Variants in RMDN3 observed in about 807,000 individuals in gnomAD.
RMDN3 encodes the protein regulator of microtubule dynamics 3.
Under a neutral mutation model 61.8 loss-of-function variants are expected in RMDN3, and 41 were observed. The ratio of observed to expected loss-of-function variants is 0.66; its 90% confidence interval spans 0.52 to 0.86. The LOEUF is 0.86. Among genes scored for constraint, RMDN3 ranks in the 40% least tolerant of loss-of-function variants. The pLI, the probability that RMDN3 is intolerant of heterozygous loss-of-function variation, is 0.00. For synonymous variants in RMDN3, 247 were observed against 232.0 expected, an observed-to-expected ratio of 1.06 and a Z score of -0.59; for missense variants, 557 against 585.3, an observed-to-expected ratio of 0.95 and a Z score of 0.50.
chr15:40,736,495 C>T lies in RMDN3; in HGVS notation c.*46G>A, dbSNP rs368450150. ...TAAGGAAAAAAGCCTCCCCGCCCCC[C>T]CACCTTAAATAGTGGCATCAAGTCA... On this transcript the variant is annotated 3_prime_UTR_variant, in exon 13 of 13. Coordinates refer to ENST00000338376, the MANE Select transcript of RMDN3 (RefSeq NM_018145.3). 1 of 1,583,798 alleles carries T rather than the reference C, an allele frequency of 6.3e-7. No homozygotes were observed. Among genetic ancestry groups the T allele is most frequent in the East Asian group, 2.2e-5 (1 of 44,720 alleles).
At chr15:40,746,287 G>A (rs554681940) in intron 4 of RMDN3, among the ~76,000 whole-genome samples, 132 of 152,206 alleles carry the variant, frequency 8.7e-4, no homozygotes, top group African/African-American at 2.4e-3. Context: ...AGGCCGAGGC[G>A]GGCGGATCAG....
intron 4 of RMDN3, among the ~76,000 whole-genome samples, chr15:40,751,178 C>T (rs1050088309): frequency 1.4e-4 from 21 of 152,176 alleles, no homozygotes; most frequent in African/African-American, 4.8e-4. Flanking sequence ...GAAAAATGCC[C>T]AAATAATATA....
At chr15:40,737,809 G>T (rs1251580086) in intron 9 of RMDN3, 83 bp from the exon 10 acceptor site, 2 of 1,493,418 alleles carry the variant, frequency 1.3e-6, no homozygotes, top group African/African-American at 2.8e-5. Context: ...TTGAAAATAG[G>T]GTCAAACGGG....
intron 4 of RMDN3, among the ~76,000 whole-genome samples, chr15:40,749,350 C>T (rs1428907984): frequency 6.6e-6 from 1 of 151,840 alleles, no homozygotes; most frequent in Non-Finnish European, 1.5e-5. Flanking sequence ...CCCATCTGTA[C>T]AAAAAAAATA....
intron 4 of RMDN3, among the ~76,000 whole-genome samples, chr15:40,746,783 TCTA>T (rs746194930): frequency 4.7e-4 from 72 of 152,198 alleles, no homozygotes; most frequent in Non-Finnish European, 9.0e-4. Flanking sequence ...CCCAGACACA[TCTA>T]CTACAAGAAC....
At position 40,744,068 on chromosome 15, in the gene RMDN3, T is replaced by C; in HGVS notation, c.889A>G (p.Lys297Glu). The change falls in exon 6 of 13, where the codon AAG becomes GAG. Residue 297 changes from lysine to glutamate, a missense_variant. Physicochemically the swap from Lys to Glu is moderately conservative, Grantham distance 56. Coordinates refer to ENST00000338376, the MANE Select transcript of RMDN3 (RefSeq NM_018145.3). ...TTACCATCTAGGGCATATGACTTCT[T>C]CTCGCTCACCTCCTCAGTGAGCTCA... ...MCELTEEVSE[K>E]KSYALDGKEE... is the part of the protein sequence containing the mutation. The C allele has an allele frequency of 6.2e-7, 1 of 1,613,326 alleles. No individual in the cohort carries two copies. Among genetic ancestry groups the C allele is most frequent in the East Asian group, 2.2e-5 (1 of 44,866 alleles).
At chr15:40,751,637 G>A in intron 3 of RMDN3, 68 bp from the exon 4 acceptor site, 1 of 1,602,764 alleles carries the variant, frequency 6.2e-7, no homozygotes, top group Non-Finnish European at 8.5e-7. Flanking sequence ...TGCTCACCAT[G>A]GGGTGCCTCT....
At chr15:40,744,228 C>A (rs1286777613) in intron 5 of RMDN3, 79 bp from the exon 6 acceptor site, 1 of 1,346,464 alleles carries the variant, frequency 7.4e-7, no homozygotes. Flanking sequence ...CCCCCACACC[C>A]TAGGTTTGAA....
At position 40,737,161 on chromosome 15, in the gene RMDN3, A is replaced by G; in HGVS notation, c.1322T>C (p.Met441Thr). 1 of 1,614,222 alleles carries G rather than the reference A, an allele frequency of 6.2e-7. No homozygotes were observed. Among genetic ancestry groups the G allele is most frequent in the Non-Finnish European group, 8.5e-7 (1 of 1,180,028 alleles). Reference protein sequence around the residue: ...LGKNSEARWWMKLALELPDVT... With the variant: ...LGKNSEARWWTKLALELPDVT... ...ATCTGGCAGCTCCAGGGCCAACTTC[A>G]TCCACCATCTAGCTTCAGAGTTTTT... Residue 441 changes from methionine (M) to threonine (T), a missense_variant, in exon 12 of 13, where the codon ATG (methionine) becomes ACG (threonine). By Grantham distance (81) the Met-to-Thr change is moderately conservative (BLOSUM62 -1). Coordinates refer to ENST00000338376, the MANE Select transcript of RMDN3 (RefSeq NM_018145.3).
In RMDN3 at chr15:40,738,051, A is replaced by C. The variant is rs1480991313; in HGVS notation, c.1048-9T>G. On this transcript the variant is annotated splice_polypyrimidine_tract_variant and intron_variant, in intron 8 of 12. Transcript: ENST00000338376. ...GCTTTGTCCACATGCTCCTAAGGGG[A>C]AAATGTAAATATAAACTAACATCAG... is the stretch of plus-strand genomic sequence containing the variant. 4 of 1,613,648 alleles carry C rather than the reference A, an allele frequency of 2.5e-6. No homozygotes were observed. The Admixed American group carries it at 5.0e-5, about 20-fold the overall frequency.
chr15:40,745,618 G>A (rs1162284972), intron 4 of RMDN3, among the ~76,000 whole-genome samples: 1 of 151,766 alleles, frequency 6.6e-6, no homozygotes, highest in South Asian at 2.1e-4. Flanking sequence ...CGCCCACCTC[G>A]GCCTCCCAAA....
chr15:40,737,266 T>C (rs758953492), intron 11 of RMDN3, 22 bp downstream of exon 11: 4 of 1,613,372 alleles, frequency 2.5e-6, no homozygotes, highest in East Asian at 4.5e-5. Context: ...AGATCTATGT[T>C]GAAGTAGACA....
Position 40,752,152 on chromosome 15 carries a change from C to A in RMDN3, c.214G>T (p.Gly72Trp). 1 of 1,614,142 alleles carries A rather than the reference C, an allele frequency of 6.2e-7. No individual in the cohort carries two copies. The highest frequency in any genetic ancestry group is 8.5e-7 in the Non-Finnish European group (1 of 1,180,024). ...GGCAGCACTGAGGCATCTCCAGCCCCACCTGGGACAGCCCGCAGGAGCATC... is the reference window on the plus strand; with the variant it reads ...GGCAGCACTGAGGCATCTCCAGCCCAACCTGGGACAGCCCGCAGGAGCATC... The part of the protein sequence containing the change: ...HVMLLRAVPG[G>W]AGDASVLPSL... Residue 72 changes from glycine to tryptophan, a missense_variant, in exon 3 of 13, where the codon GGG becomes TGG. By Grantham distance (184) the Gly-to-Trp change is radical. Coordinates refer to ENST00000338376, the MANE Select transcript of RMDN3 (RefSeq NM_018145.3).
At chr15:40,750,694 C>T (rs1156992722) in intron 4 of RMDN3, among the ~76,000 whole-genome samples, 1 of 152,350 alleles carries the variant, frequency 6.6e-6, no homozygotes, top group Non-Finnish European at 1.5e-5. Context: ...CTGTTCTCTA[C>T]ACCAGTCTTT....
intron 6 of RMDN3, among the ~76,000 whole-genome samples, chr15:40,742,607 C>T (rs924880702): frequency 6.6e-6 from 1 of 152,192 alleles, no homozygotes; most frequent in Non-Finnish European, 1.5e-5. Context: ...AAGGATAATT[C>T]TTAAAGGCTG....
intron 4 of RMDN3, among the ~76,000 whole-genome samples, chr15:40,748,690 C>A (rs1317235595): frequency 6.6e-6 from 1 of 152,172 alleles, no homozygotes; most frequent in Non-Finnish European, 1.5e-5. Flanking sequence ...AACTCCACCC[C>A]CTGGGTTCAA....
In RMDN3 at chr15:40,737,292, G is replaced by A; in HGVS notation, c.1274C>T (p.Ser425Phe). Residue 425 changes from serine (S) to phenylalanine (F), a missense_variant, in exon 11 of 13, where the codon TCC becomes TTC. Physicochemically the swap from Ser to Phe is radical, Grantham distance 155. Coordinates refer to ENST00000338376, the MANE Select transcript of RMDN3 (RefSeq NM_018145.3). The part of the protein sequence containing the change: ...GFSKAGRVYI[S>F]KCYRELGKNS... ...GAAGTAGACAAATGAGTTTACCTTGGAAATATATACCCTTCCTGCTTTGGA... is the reference window on the plus strand; with the variant it reads ...GAAGTAGACAAATGAGTTTACCTTGAAAATATATACCCTTCCTGCTTTGGA... 1 of 1,613,924 alleles carries A rather than the reference G, an allele frequency of 6.2e-7. No individual in the cohort carries two copies. The highest frequency in any genetic ancestry group is 2.2e-5 in the East Asian group (1 of 44,888).
intron 6 of RMDN3, among the ~76,000 whole-genome samples, chr15:40,742,072 T>A (rs1897306259): frequency 6.6e-6 from 1 of 152,072 alleles, no homozygotes; most frequent in Non-Finnish European, 1.5e-5. Flanking sequence ...CAGGCTGGAG[T>A]GCAGTGGTGC....
intron 2 of RMDN3, among the ~76,000 whole-genome samples, chr15:40,753,822 T>A (rs982744909): frequency 2.7e-4 from 41 of 152,044 alleles, no homozygotes; most frequent in African/African-American, 9.9e-4. Flanking sequence ...ATAGGAGGGA[T>A]AAAAAGAAAA....
Sources: gnomAD v4.1 joint callset for allele counts (sites outside exome capture counted in the v4.1 genomes callset) on GRCh38, gnomAD v4.1.1 for gene constraint, MANE v1.5 for transcripts, NCBI Gene and HGNC (gene_info 2026-07-23, HGNC 2026-07-21) for gene names.